Variants in KMT2D observed in about 807,000 individuals in gnomAD.
KMT2D encodes the protein lysine methyltransferase 2D.
A neutral mutation model predicts 512.7 loss-of-function variants in KMT2D; 55 were observed. The observed-to-expected ratio is 0.11, with a 90% CI of 0.09 to 0.13. The LOEUF is 0.13. KMT2D is among the 10% of genes least tolerant of loss of function. The probability of loss-of-function intolerance (pLI) is 1.00; values close to 1 mark genes in which losing one functional copy is unlikely to be tolerated. For missense variants in KMT2D, 6,061 were observed against 7,127.9 expected (o/e 0.85, Z 5.39); for synonymous variants, 2,995 against 2,904.0 (o/e 1.03, Z -1.01).
At position 49,051,977 on chromosome 12, in the gene KMT2D, G is replaced by T. The variant is rs1459309876; in HGVS notation, c.1706C>A (p.Ala569Glu). The change falls in exon 11 of 55, where the codon GCA (alanine) becomes GAA (glutamate). Residue 569 changes from alanine to glutamate, a missense_variant. Ala to Glu is a moderately radical substitution (Grantham distance 107, BLOSUM62 -1). Around this residue, in one of 16 missense-constraint regions of KMT2D, gnomAD observed 848 missense variants for 838.5 expected, o/e 1.01. Transcript: ENST00000301067. The stretch of plus-strand genomic sequence containing the variant: ...CTCAGGTGGTGGAGACAGGCGAGAT[G>T]CTTCAGGTGGCGGGGAAGTGGGCAA... ...EELPTSPPPE[A>E]SRLSPPPEES... The T allele has an allele frequency of 2.5e-6, 4 of 1,609,498 alleles. No homozygotes were observed. The highest frequency in any genetic ancestry group is 3.4e-6 in the Non-Finnish European group (4 of 1,178,178).
rs2120523849 is a variant in KMT2D, at chr12:49,040,196, C to T, written c.7574G>A (p.Gly2525Asp). 6.2e-7 allele frequency: 1 copy of T among 1,613,600 alleles called. No homozygotes were observed. The highest frequency in any genetic ancestry group is 8.5e-7 in the Non-Finnish European group (1 of 1,179,754). The change falls in exon 32 of 55, where the codon GGT becomes GAT. Residue 2525 changes from glycine (G) to aspartate (D), a missense_variant. By Grantham distance (94) the Gly-to-Asp change is moderately conservative. Coordinates refer to ENST00000301067, the MANE Select transcript of KMT2D (RefSeq NM_003482.4). ...PPNFVRSPGT[G>D]AFVGTPSPMR... is the part of the protein sequence containing the mutation. ...GGGAGAGGGGGTGCCCACAAATGCACCCGTCCCAGGGGACCGGACAAAATT... is the reference window on the plus strand; with the variant it reads ...GGGAGAGGGGGTGCCCACAAATGCATCCGTCCCAGGGGACCGGACAAAATT...
chr12:49,049,732 C>T lies in KMT2D; in HGVS notation c.3856G>A (p.Gly1286Arg), dbSNP rs201671182. The change falls in exon 12 of 55, where the codon GGG (glycine) becomes AGG (arginine). Residue 1286 changes from glycine (G) to arginine (R), a missense_variant. By Grantham distance (125) the Gly-to-Arg change is moderately radical (BLOSUM62 -2). Coordinates refer to ENST00000301067, the MANE Select transcript of KMT2D (RefSeq NM_003482.4). Reference sequence around the variant, plus strand: ...GAGCTGCGCCGCCGCCCCTTCTCCCCCTCAGCTTTGCCTCCGCTGATAGCT... The same window carrying T: ...GAGCTGCGCCGCCGCCCCTTCTCCCTCTCAGCTTTGCCTCCGCTGATAGCT... Reference protein sequence around the residue: ...GTAISGGKAEGEKGRRRSSPA... With the variant: ...GTAISGGKAEREKGRRRSSPA... 5.0e-6 allele frequency: 8 copies of T among 1,605,606 alleles called. No individual in the cohort carries two copies. Among genetic ancestry groups the T allele is most frequent in the Non-Finnish European group, 6.8e-6 (8 of 1,173,008 alleles).
rs868356800 is a variant in KMT2D, at chr12:49,050,170, T to C, written c.3418A>G (p.Thr1140Ala). 3.1e-6 allele frequency: 5 copies of C among 1,613,380 alleles called. No homozygotes were observed. In the African/African-American group the frequency reaches 5.3e-5, roughly 17 times the overall value. ...APGSQPEPGQ[T>A]PGSLASELKG... The stretch of plus-strand genomic sequence containing the variant: ...AGTTCACTAGCCAAACTGCCAGGGG[T>C]CTGTCCAGGCTCTGGCTGTGAACCC... The change falls in exon 12 of 55, where the codon ACC becomes GCC. Residue 1140 changes from threonine to alanine, a missense_variant. Thr to Ala is a moderately conservative substitution (Grantham distance 58). Around this residue, in one of 16 missense-constraint regions of KMT2D, gnomAD observed 447 missense variants for 500.1 expected, o/e 0.89. Transcript: ENST00000301067.
rs1311573271 is a variant in KMT2D at position 49,040,110 on chromosome 12, G to A, written c.7660C>T (p.Pro2554Ser). ...ATCCCATGGGGTGGCGGGAGACCAG[G>A]CTGAGGGACAGGGGGCTTTAGGGAA... is the stretch of plus-strand genomic sequence containing the variant. ...EPSLKPPVPQPGLPPPHGINS... is the reference protein window; with the variant it reads ...EPSLKPPVPQSGLPPPHGINS... The change falls in exon 32 of 55, where the codon CCT becomes TCT. Residue 2554 changes from proline to serine, a missense_variant. Around this residue, in one of 16 missense-constraint regions of KMT2D, gnomAD observed 710 missense variants for 647.3 expected, o/e 1.10. Transcript: ENST00000301067. 6.2e-7 allele frequency: 1 copy of A among 1,613,950 alleles called. No homozygotes were observed. Among genetic ancestry groups the A allele is most frequent in the South Asian group, 1.1e-5 (1 of 91,082 alleles).
chr12:49,050,816 GCT>G, intron 11 of KMT2D, 26 bp from the exon 12 acceptor site: 1 of 1,586,896 alleles, frequency 6.3e-7, no homozygotes, highest in African/African-American at 1.3e-5. Flanking sequence ...AAAAAGAAGG[GCT>G]CTTAGATTAG....
rs775548388 is a variant in KMT2D, at chr12:49,028,836, C to T, written c.14374G>A (p.Ala4792Thr). Residue 4792 changes from alanine (A) to threonine (T), a missense_variant, in exon 46 of 55, where the codon GCA becomes ACA. By Grantham distance (58) the Ala-to-Thr change is moderately conservative. Around this residue, in one of 16 missense-constraint regions of KMT2D, gnomAD observed 1,600 missense variants for 1,754.9 expected, o/e 0.91. Transcript: ENST00000301067. Reference sequence around the variant, plus strand: ...GTACCCCTAGGACACACCTTGGCTGCAGCAGCAGAGACTGTGAGCATGACT... The same window carrying T: ...GTACCCCTAGGACACACCTTGGCTGTAGCAGCAGAGACTGTGAGCATGACT... The part of the protein sequence containing the change: ...VSVMLTVSAA[A>T]AKNLNGVMVA... The T allele has an allele frequency of 2.5e-6, 4 of 1,613,940 alleles. No homozygotes were observed. Among genetic ancestry groups the T allele is most frequent in the African/African-American group, 2.7e-5 (2 of 75,066 alleles).
In KMT2D at chr12:49,053,563, T is replaced by C. The variant is rs2120697980; in HGVS notation, c.752A>G (p.Tyr251Cys). The change falls in exon 7 of 55, where the codon TAT becomes TGT. Residue 251 changes from tyrosine (Y) to cysteine (C), a missense_variant. Tyr to Cys is a radical substitution (Grantham distance 194). Coordinates refer to ENST00000301067, the MANE Select transcript of KMT2D (RefSeq NM_003482.4). ...AGCAGTGTCCAGGCAGGCCCCGTGA[T>C]AGTGATGCCCACAGCTGGTACAGAA... is the stretch of plus-strand genomic sequence containing the variant. ...LFFCTSCGHHYHGACLDTALT... is the reference protein window; with the variant it reads ...LFFCTSCGHHCHGACLDTALT... The C allele has an allele frequency of 1.2e-6, 2 of 1,600,980 alleles. No individual in the cohort carries two copies. The highest frequency in any genetic ancestry group is 1.7e-6 in the Non-Finnish European group (2 of 1,173,820).
At chr12:49,025,252 G>A (rs1288389843) in intron 49 of KMT2D, among the ~76,000 whole-genome samples, 1 of 152,214 alleles carries the variant, frequency 6.6e-6, no homozygotes, top group Non-Finnish European at 1.5e-5. Context: ...AAAGACTTGG[G>A]TTCAGGTTCT....
In KMT2D at chr12:49,046,172, C is replaced by A. The variant is rs2120602088; in HGVS notation, c.4586G>T (p.Trp1529Leu). 1 of 1,611,752 alleles carries A rather than the reference C, an allele frequency of 6.2e-7. No individual in the cohort carries two copies. Among genetic ancestry groups the A allele is most frequent in the Non-Finnish European group, 8.5e-7 (1 of 1,178,872 alleles). ...LLIQCRHCERWMHAGCESLFT... is the reference protein window; with the variant it reads ...LLIQCRHCERLMHAGCESLFT... ...GAGGCTCTCACAGCCTGCATGCATC[C>A]ACCTGGAGAACAGAGACTGGAGGAA... is the stretch of plus-strand genomic sequence containing the variant. Residue 1529 changes from tryptophan to leucine, a missense_variant and splice_region_variant, in exon 18 of 55, where the codon TGG (tryptophan) becomes TTG (leucine). Coordinates refer to ENST00000301067, the MANE Select transcript of KMT2D (RefSeq NM_003482.4). This position sits in a 1 kb window ranked among gnomAD's most constrained non-coding sequence, Gnocchi z 4.2.
At position 49,050,105 on chromosome 12, in the gene KMT2D, G is replaced by A. The variant is rs747866504; in HGVS notation, c.3483C>T (p.Ala1161=). 4 of 1,613,482 alleles carry A rather than the reference G, an allele frequency of 2.5e-6. No individual in the cohort carries two copies. The highest frequency in any genetic ancestry group is 2.2e-5 in the East Asian group (1 of 44,866). The part of the protein sequence containing the change: ...SPVLLDPEEL[A]PVTPMEVYPE... ...GGTAGACCTCCATAGGGGTCACAGGGGCCAGCTCCTCGGGGTCCAGGAGCA... is the reference window on the plus strand; with the variant it reads ...GGTAGACCTCCATAGGGGTCACAGGAGCCAGCTCCTCGGGGTCCAGGAGCA... Residue 1161 remains alanine (A), a synonymous_variant, in exon 12 of 55, where the codon GCC becomes GCT. Coordinates refer to ENST00000301067, the MANE Select transcript of KMT2D (RefSeq NM_003482.4).
At chr12:49,036,400 C>T (rs1217956612) in intron 35 of KMT2D, among the ~76,000 whole-genome samples, 2 of 151,758 alleles carry the variant, frequency 1.3e-5, no homozygotes, top group Non-Finnish European at 2.9e-5. Context: ...CAACCTCCAC[C>T]TCCTGGGTTC....
rs2120608159 is a variant in KMT2D, at chr12:49,046,530, C to T, written c.4418+79G>A. 6.3e-7 allele frequency: 1 copy of T among 1,575,736 alleles called. No individual in the cohort carries two copies. Among genetic ancestry groups the T allele is most frequent in the Non-Finnish European group, 8.6e-7 (1 of 1,156,178 alleles). On this transcript the variant is annotated intron_variant, in intron 16 of 54. Coordinates refer to ENST00000301067, the MANE Select transcript of KMT2D (RefSeq NM_003482.4). This position sits in a 1 kb window ranked among gnomAD's most constrained non-coding sequence, Gnocchi z 4.2. ...ACCAGCCTGGCCTCCTAAACCCAGC[C>T]TCTGTCACATACTCAACATCATATC...
intron 13 of KMT2D, 133 bp downstream of exon 13, chr12:49,048,972 G>T: frequency 1.4e-6 from 1 of 709,818 alleles, no homozygotes; most frequent in Non-Finnish European, 2.5e-6. Context: ...CGGGCCAAGT[G>T]GACAGGAATT....
chr12:49,046,072 C>T lies in KMT2D; in HGVS notation c.4686G>A (p.Lys1562=). Reference sequence around the variant, plus strand: ...CCAGCAGCTGGTACTCACCCACAGGCTTTACCACGTAGGGCTGGCAGGAGA... The same window carrying T: ...CCAGCAGCTGGTACTCACCCACAGGTTTTACCACGTAGGGCTGGCAGGAGA... ...DCVSCQPYVV[K]PVAPVAPPEL... is the part of the protein sequence containing the mutation. The change falls in exon 18 of 55, where the codon AAG becomes AAA. Residue 1562 remains lysine, a synonymous_variant. Coordinates refer to ENST00000301067, the MANE Select transcript of KMT2D (RefSeq NM_003482.4). This position sits in a 1 kb window ranked among gnomAD's most constrained non-coding sequence, Gnocchi z 4.2. 6.2e-7 allele frequency: 1 copy of T among 1,611,796 alleles called. No individual in the cohort carries two copies. The highest frequency in any genetic ancestry group is 8.5e-7 in the Non-Finnish European group (1 of 1,178,840).
chr12:49,053,396 C>T, intron 7 of KMT2D, 75 bp from the exon 8 acceptor site: 2 of 1,605,884 alleles, frequency 1.2e-6, no homozygotes, highest in Non-Finnish European at 1.7e-6. Context: ...TTCATGTTAA[C>T]AGGCCTTCTC....
chr12:49,037,079 C>T (rs2120473386), intron 35 of KMT2D, 46 bp downstream of exon 35: 1 of 1,523,730 alleles, frequency 6.6e-7, no homozygotes, highest in Non-Finnish European at 8.8e-7. Flanking sequence ...TTAGGGATAA[C>T]AATAATCACC....
chr12:49,042,514 G>C lies in KMT2D; in HGVS notation c.5867+47C>G. ...GGCAAAGCATGAACTCAGATGGAGGGAAAGGACAACGAGGACTGCCCACAA... is the reference window on the plus strand; with the variant it reads ...GGCAAAGCATGAACTCAGATGGAGGCAAAGGACAACGAGGACTGCCCACAA... On this transcript the variant is annotated intron_variant, in intron 28 of 54. Coordinates refer to ENST00000301067, the MANE Select transcript of KMT2D (RefSeq NM_003482.4). This position sits in a 1 kb window ranked among gnomAD's most constrained non-coding sequence, Gnocchi z 4.4. 1 of 1,590,124 alleles carries C rather than the reference G, an allele frequency of 6.3e-7. No homozygotes were observed. Among genetic ancestry groups the C allele is most frequent in the Non-Finnish European group, 8.6e-7 (1 of 1,163,526 alleles).
intron 35 of KMT2D, among the ~76,000 whole-genome samples, chr12:49,036,558 G>A (rs1363780071): frequency 2.1e-5 from 3 of 142,570 alleles, no homozygotes; most frequent in East Asian, 2.0e-4. Flanking sequence ...AGGCGATCTC[G>A]GCTCACCACA....
Position 49,024,702 on chromosome 12 carries a change from C to T in KMT2D, c.15928G>A (p.Gly5310Arg), listed in dbSNP as rs1435849650. 4 of 1,613,470 alleles carry T rather than the reference C, an allele frequency of 2.5e-6. No individual in the cohort carries two copies. The highest frequency in any genetic ancestry group is 2.5e-6 in the Non-Finnish European group (3 of 1,179,656). ...AAATAGTTTTGACAGCTCTCCACCCCGGGCAGCTGTGGGCACAGTTCATAC... is the reference window on the plus strand; with the variant it reads ...AAATAGTTTTGACAGCTCTCCACCCTGGGCAGCTGTGGGCACAGTTCATAC... ...AVLRIAESLP[G>R]VESCQNYLFR... The change falls in exon 51 of 55, where the codon GGG becomes AGG. Residue 5310 changes from glycine to arginine, a missense_variant. Physicochemically the swap from Gly to Arg is moderately radical, Grantham distance 125. Coordinates refer to ENST00000301067, the MANE Select transcript of KMT2D (RefSeq NM_003482.4). This position sits in a 1 kb window ranked among gnomAD's most constrained non-coding sequence, Gnocchi z 4.5.
Sources: gnomAD v4.1 joint callset for allele counts (sites outside exome capture counted in the v4.1 genomes callset) on GRCh38, gnomAD v4.1.1 for gene constraint, gnomAD v4.1.1 regional missense constraint, Gnocchi (gnomAD v3.1) non-coding constraint, MANE v1.5 for transcripts, NCBI Gene and HGNC (gene_info 2026-07-23, HGNC 2026-07-21) for gene names.